ATG4B: variants seen among roughly 807,000 people sequenced by gnomAD.
ATG4B encodes cysteine protease ATG4B.
In ATG4B, 29 loss-of-function variants were observed where a neutral mutation model predicts 56.6. That is an observed-to-expected ratio of 0.51 (90% CI 0.38 to 0.70). ATG4B has a LOEUF of 0.70. Ranked by LOEUF, ATG4B falls within the 30% of genes least tolerant of loss-of-function variation. The pLI, the probability that ATG4B is intolerant of heterozygous loss-of-function variation, is 0.00. For synonymous variants in ATG4B, 224 were observed against 206.1 expected, an observed-to-expected ratio of 1.09 and a Z score of -0.74; for missense variants, 461 against 515.5, an observed-to-expected ratio of 0.89 and a Z score of 1.02.
Position 241,668,291 on chromosome 2 carries a change from A to T in ATG4B, c.811+70A>T, listed in dbSNP as rs2068843163. The T allele has an allele frequency of 6.6e-7, 1 of 1,519,380 alleles. No homozygotes were observed. The allele number at this position is 1,519,380 out of a possible 1,614,324, so 94.1% of individuals were successfully genotyped here. A position where few individuals can be genotyped will look rare whatever the true frequency, so the allele number is the denominator to read the frequency against. On this transcript the variant is annotated intron_variant, in intron 9 of 12. Coordinates refer to ENST00000404914, the MANE Select transcript of ATG4B (RefSeq NM_013325.5). The surrounding 1 kb of genome is among the most constrained non-coding windows in gnomAD (Gnocchi z 4.2). ...TAAGGGCATTCCATGAGCAGGTACC[A>T]CACCCCAGGTGACCACTTGAGGCCA...
rs146441918 is a variant in ATG4B at position 241,646,272 on chromosome 2, A to C, written c.11-4738A>C. Among the ~76,000 whole-genome samples the C allele has an allele frequency of 1.1e-3, 168 of 152,328 alleles. 1 individual carries two copies. Among genetic ancestry groups the C allele is most frequent in the African/African-American group, 3.8e-3 (160 of 41,576 alleles). On this transcript the variant is annotated intron_variant, in intron 1 of 12. Coordinates refer to ENST00000404914, the MANE Select transcript of ATG4B (RefSeq NM_013325.5). ...GCTCAGGCCTCGTGACCCTGCTTTCAGAGGGAGCCTTTTTCCTTTTCTTCC... is the reference window on the plus strand; with the variant it reads ...GCTCAGGCCTCGTGACCCTGCTTTCCGAGGGAGCCTTTTTCCTTTTCTTCC...
chr2:241,653,945 C>T (rs368129042), intron 4 of ATG4B, among the ~76,000 whole-genome samples: 6 of 141,268 alleles, frequency 4.2e-5, no homozygotes, highest in African/African-American at 1.1e-4. Context: ...GAGCTGAGAT[C>T]GCACCACTGC....
chr2:241,657,025 G>A (rs2068426497), intron 6 of ATG4B, among the ~76,000 whole-genome samples: 1 of 143,296 alleles, frequency 7.0e-6, no homozygotes, highest in Non-Finnish European at 1.5e-5. Context: ...CTGGAGTGCA[G>A]TGGTGCAATC....
chr2:241,639,898 T>G (rs549223604), intron 1 of ATG4B, among the ~76,000 whole-genome samples: 2 of 152,132 alleles, frequency 1.3e-5, no homozygotes, highest in Non-Finnish European at 2.9e-5. Flanking sequence ...GGAAGAGAGG[T>G]TCGCAATCCA....
chr2:241,672,348 CCGAGGGCTGCGCCCCGT>C lies in ATG4B; in HGVS notation c.*85_*101del, dbSNP rs1385598061. 5 of 1,282,346 alleles carry C rather than the reference CCGAGGGCTGCGCCCCGT, an allele frequency of 3.9e-6. No homozygotes were observed. In the African/African-American group the frequency reaches 5.9e-5, roughly 15 times the overall value. The allele number at this position is 1,282,346 out of a possible 1,614,324, so 79.4% of individuals were successfully genotyped here. ...TTCATCCATCCCGCCCGCTCGCCTG[CCGAGGGCTGCGCCCCGT>C]GCTGCCTCCCCCCAGAGGGCCACCC... On this transcript the variant is annotated 3_prime_UTR_variant, in exon 13 of 13. Transcript: ENST00000404914.
At chr2:241,647,880 G>A (rs979169771) in intron 1 of ATG4B, among the ~76,000 whole-genome samples, 14 of 151,650 alleles carry the variant, frequency 9.2e-5, no homozygotes, top group Non-Finnish European at 2.9e-5. Flanking sequence ...TTGGGAGGCC[G>A]AGGTGGGTGG....
chr2:241,658,130 C>G (rs1370823328), intron 6 of ATG4B, among the ~76,000 whole-genome samples: 1 of 152,238 alleles, frequency 6.6e-6, no homozygotes, highest in East Asian at 1.9e-4. Context: ...TCCTTGTTTG[C>G]CCTCCGCCAG....
chr2:241,645,783 A>G (rs906313151), intron 1 of ATG4B, among the ~76,000 whole-genome samples: 1 of 151,898 alleles, frequency 6.6e-6, no homozygotes, highest in Non-Finnish European at 1.5e-5. Flanking sequence ...GCAAGGGATC[A>G]TGTTTTCAGA....
At chr2:241,647,726 GCCTAC>G (rs2068106652) in intron 1 of ATG4B, among the ~76,000 whole-genome samples, 1 of 151,964 alleles carries the variant, frequency 6.6e-6, no homozygotes, top group African/African-American at 2.4e-5. Flanking sequence ...ATTGAATAAA[GCCTAC>G]AGGTCAAAGA....
intron 5 of ATG4B, chr2:241,654,905 G>A (rs1008392470): frequency 2.4e-5 from 14 of 575,656 alleles, no homozygotes; most frequent in Middle Eastern, 4.6e-4. Flanking sequence ...CCTGGTGCTC[G>A]GCACAGTCTG....
chr2:241,664,558 A>G (rs1157787471), intron 7 of ATG4B, among the ~76,000 whole-genome samples: 3 of 151,798 alleles, frequency 2.0e-5, no homozygotes, highest in Admixed American at 2.0e-4. Flanking sequence ...CAGAAACCCA[A>G]ACAACTCCCT....
chr2:241,671,276 G>A lies in ATG4B; in HGVS notation c.1015-36G>A, dbSNP rs1378439350. The stretch of plus-strand genomic sequence containing the variant: ...TCTCTTGGCCGCAGCAAGCACTGGG[G>A]TGAGGCTGCACCTAACGGCCATGTC... On this transcript the variant is annotated intron_variant, in intron 11 of 12. Transcript: ENST00000404914. The A allele has an allele frequency of 1.9e-6, 3 of 1,574,640 alleles. No homozygotes were observed. The Admixed American group carries it at 5.3e-5, about 28-fold the overall frequency.
chr2:241,645,736 CACAGT>C lies in ATG4B; in HGVS notation c.11-5271_11-5267del, dbSNP rs200953539. ...GACACTCCCCACTTGCAGCGTCCTCCACAGTACCGAGAGGAGGGTGCAGTGTGGTG... is the reference window on the plus strand; with the variant it reads ...GACACTCCCCACTTGCAGCGTCCTCCACCGAGAGGAGGGTGCAGTGTGGTG... On this transcript the variant is annotated intron_variant, in intron 1 of 12. Transcript: ENST00000404914. 1.1e-3 allele frequency among the ~76,000 whole-genome samples: 172 copies of C among 152,286 alleles called. 1 individual carries two copies. In the East Asian group the frequency reaches 0.027, roughly 24 times the overall value.
chr2:241,667,476 C>T (rs535591553), intron 8 of ATG4B, among the ~76,000 whole-genome samples: 67 of 151,688 alleles, frequency 4.4e-4, no homozygotes, highest in African/African-American at 1.5e-3. Context: ...TGGTGGTGCG[C>T]GCCTGTAGTC....
intron 3 of ATG4B, chr2:241,652,018 G>C: frequency 1.6e-6 from 2 of 1,281,414 alleles, no homozygotes; most frequent in Non-Finnish European, 2.1e-6. Flanking sequence ...GCCAGGTCAG[G>C]GTTTGGTCCC....
intron 5 of ATG4B, 195 bp from the exon 6 acceptor site, chr2:241,655,076 C>T (rs2068353106): frequency 1.7e-6 from 1 of 601,170 alleles, no homozygotes; most frequent in Non-Finnish European, 3.0e-6. Context: ...TTTCTAAGTT[C>T]ATAGTGAAGG....
At chr2:241,659,699 A>T (rs543264052) in intron 7 of ATG4B, 1 of 248,508 alleles carries the variant, frequency 4.0e-6, no homozygotes, top group African/African-American at 2.3e-5. Flanking sequence ...AGTTTTAACA[A>T]ATGGGCTCAT....
rs534199256 is a variant in ATG4B, at chr2:241,673,284, C to T, written c.*1020C>T. The T allele has an allele frequency of 2.9e-6, 1 of 339,102 alleles. No homozygotes were observed. The highest frequency in any genetic ancestry group is 5.9e-6 in the Non-Finnish European group (1 of 169,994). The allele number at this position is 339,102 out of a possible 1,614,324, so 21.0% of individuals were successfully genotyped here. A position where few individuals can be genotyped will look rare whatever the true frequency, so the allele number is the denominator to read the frequency against. On this transcript the variant is annotated 3_prime_UTR_variant, in exon 13 of 13. Transcript: ENST00000404914. ...ACCTCAGCCCCGATTCCAGCACCCA[C>T]CACCGCCTGACCCTGTGTAACCTGC...
intron 1 of ATG4B, among the ~76,000 whole-genome samples, chr2:241,647,622 CAAAAAAA>C (rs35875880): frequency 8.8e-4 from 104 of 117,656 alleles, no homozygotes; most frequent in African/African-American, 2.7e-3. Flanking sequence ...GACTCCGTCT[CAAAAAAA>C]AAAAAAAAAA....
Sources: gnomAD v4.1 joint callset for allele counts (sites outside exome capture counted in the v4.1 genomes callset) on GRCh38, gnomAD v4.1.1 for gene constraint, Gnocchi (gnomAD v3.1) non-coding constraint, MANE v1.5 for transcripts, NCBI Gene and HGNC (gene_info 2026-07-23, HGNC 2026-07-21) for gene names.